Variants in KIAA0825 observed in about 807,000 individuals in gnomAD.
KIAA0825 encodes the protein uncharacterized protein KIAA0825.
In KIAA0825, 119 loss-of-function variants were observed where a neutral mutation model predicts 147.6. That is an observed-to-expected ratio of 0.81 (90% confidence interval 0.69 to 0.94). The LOEUF is 0.94. Among genes scored for constraint, KIAA0825 ranks in the 40% least tolerant of loss-of-function variants. The pLI is 0.00. For missense variants in KIAA0825, 1,381 were observed against 1,472.7 expected, an observed-to-expected ratio of 0.94 and a Z score of 1.02; for synonymous variants, 470 against 518.1, an observed-to-expected ratio of 0.91 and a Z score of 1.26.
intron 5 of KIAA0825, among the ~76,000 whole-genome samples, chr5:94,503,079 T>C (rs993940444): frequency 3.5e-5 from 5 of 144,242 alleles, no homozygotes; most frequent in African/African-American, 1.2e-4. Flanking sequence ...AAAAAATATA[T>C]ATATATATGA....
intron 2 of KIAA0825, among the ~76,000 whole-genome samples, chr5:94,566,883 G>A (rs1402537485): frequency 3.3e-5 from 5 of 151,904 alleles, no homozygotes; most frequent in Admixed American, 3.3e-4. Flanking sequence ...ATTTTTACAG[G>A]TACTATTTTT....
At chr5:94,617,811 C>CA (rs1260575407) in intron 1 of KIAA0825, 6 of 152,306 alleles carry the variant, frequency 3.9e-5, no homozygotes, top group Non-Finnish European at 8.8e-5. Context: ...GACCTCCATC[C>CA]AAAATTCTCC....
chr5:94,540,107 G>A (rs761386139), intron 2 of KIAA0825, among the ~76,000 whole-genome samples: 27 of 152,186 alleles, frequency 1.8e-4, no homozygotes, highest in Non-Finnish European at 2.5e-4. Flanking sequence ...TCCCCACCCC[G>A]CCTGAGGCAA....
intron 5 of KIAA0825, among the ~76,000 whole-genome samples, chr5:94,487,993 G>A (rs1562549604): frequency 6.6e-6 from 1 of 151,972 alleles, no homozygotes; most frequent in Non-Finnish European, 1.5e-5. Context: ...GCTCCATCTC[G>A]GCTCACTGCA....
At chr5:94,408,854 A>T (rs1752411761) in intron 15 of KIAA0825, among the ~76,000 whole-genome samples, 1 of 152,214 alleles carries the variant, frequency 6.6e-6, no homozygotes, top group South Asian at 2.1e-4. Flanking sequence ...TTTTTCTTGT[A>T]ATTTGTTCAT....
chr5:94,308,059 C>T (rs978456132), intron 20 of KIAA0825, among the ~76,000 whole-genome samples: 1 of 151,680 alleles, frequency 6.6e-6, no homozygotes, highest in African/African-American at 2.4e-5. Flanking sequence ...AGAGTTTAAT[C>T]ATTTGGAATA....
At chr5:94,536,325 C>T (rs1772008282) in intron 3 of KIAA0825, among the ~76,000 whole-genome samples, 1 of 152,118 alleles carries the variant, frequency 6.6e-6, no homozygotes, top group African/African-American at 2.4e-5. Flanking sequence ...TATCATTACA[C>T]AATAGAAATT....
intron 1 of KIAA0825, among the ~76,000 whole-genome samples, chr5:94,599,733 G>A (rs1786012500): frequency 6.6e-6 from 1 of 152,106 alleles, no homozygotes; most frequent in Non-Finnish European, 1.5e-5. Flanking sequence ...TATGGAATAG[G>A]AGAAAATATA....
chr5:94,178,700 T>C (rs1283706604), intron 20 of KIAA0825, among the ~76,000 whole-genome samples: 2 of 152,094 alleles, frequency 1.3e-5, no homozygotes, highest in Non-Finnish European at 2.9e-5. Flanking sequence ...TACAATGCTA[T>C]AGACAGGTGG....
Position 94,151,919 on chromosome 5 carries a change from A to C in KIAA0825, c.*2088T>G, listed in dbSNP as rs1392607447. 2.6e-5 allele frequency among the ~76,000 whole-genome samples: 4 copies of C among 152,196 alleles called. No individual in the cohort carries two copies. The East Asian group carries it at 7.7e-4, about 29-fold the overall frequency. ...TAGTACACAGACCACCACTTAGCTG[A>C]AGGAATAAAGTCAACTGTTGCCTTA... On this transcript the variant is annotated 3_prime_UTR_variant, in exon 21 of 21. Transcript: ENST00000682413.
intron 20 of KIAA0825, among the ~76,000 whole-genome samples, chr5:94,282,026 G>C (rs773441580): frequency 5.9e-5 from 9 of 152,022 alleles, no homozygotes; most frequent in Non-Finnish European, 1.0e-4. Flanking sequence ...CAGCATGCCT[G>C]CCACCAAAAT....
At chr5:94,515,092 C>T (rs576978693) in intron 5 of KIAA0825, among the ~76,000 whole-genome samples, 1 of 152,192 alleles carries the variant, frequency 6.6e-6, no homozygotes, top group South Asian at 2.1e-4. Context: ...ATTTAAATCT[C>T]CTATTTCTAT....
chr5:94,359,628 A>T (rs1024041886), intron 20 of KIAA0825, among the ~76,000 whole-genome samples: 2 of 152,172 alleles, frequency 1.3e-5, no homozygotes, highest in East Asian at 3.8e-4. Context: ...AAAGAAAGAA[A>T]GTGTGCTGGA....
chr5:94,290,045 T>A (rs972791395), intron 20 of KIAA0825, among the ~76,000 whole-genome samples: 2 of 151,288 alleles, frequency 1.3e-5, no homozygotes, highest in Admixed American at 1.3e-4. Flanking sequence ...ATTTTACTGA[T>A]TGAAAAAAAA....
intron 20 of KIAA0825, among the ~76,000 whole-genome samples, chr5:94,270,891 G>T (rs897082235): frequency 6.6e-6 from 1 of 152,092 alleles, no homozygotes; most frequent in Non-Finnish European, 1.5e-5. Context: ...GGGTTGACAA[G>T]ATATTAAGTC....
intron 20 of KIAA0825, among the ~76,000 whole-genome samples, chr5:94,362,559 A>G (rs1223300754): frequency 6.9e-6 from 1 of 144,894 alleles, no homozygotes; most frequent in Non-Finnish European, 1.6e-5. Flanking sequence ...CTCCAGATGT[A>G]CGTTCTGACT....
At chr5:94,354,907 G>A (rs937835092) in intron 20 of KIAA0825, among the ~76,000 whole-genome samples, 7 of 152,194 alleles carry the variant, frequency 4.6e-5, no homozygotes, top group Non-Finnish European at 7.3e-5. Context: ...GGGAACATGT[G>A]CCCAAGGTGG....
chr5:94,330,718 G>C (rs1781178025), intron 20 of KIAA0825, among the ~76,000 whole-genome samples: 1 of 146,148 alleles, frequency 6.8e-6, no homozygotes, highest in Non-Finnish European at 1.5e-5. Context: ...AAACAAAATA[G>C]AGAAAAATCA....
intron 20 of KIAA0825, among the ~76,000 whole-genome samples, chr5:94,160,360 A>G (rs1344464945): frequency 6.6e-6 from 1 of 151,064 alleles, no homozygotes; most frequent in Non-Finnish European, 1.5e-5. Context: ...AATATTAAAT[A>G]TATATACTGT....
Sources: allele counts gnomAD v4.1 joint callset (sites outside exome capture counted in the v4.1 genomes callset), GRCh38; gene constraint gnomAD v4.1.1; transcripts MANE v1.5; gene names NCBI Gene and HGNC (gene_info 2026-07-23, HGNC 2026-07-21).